TTN: variants seen among roughly 807,000 people sequenced by gnomAD.
TTN encodes titin.
In TTN, 1,525 loss-of-function variants were observed where a neutral mutation model predicts 3,223.0. That is an observed-to-expected ratio of 0.47 (90% CI 0.45 to 0.49). The LOEUF is 0.49. TTN is among the 20% of genes least tolerant of loss of function. The pLI is 0.00. For missense variants in TTN, 40,786 were observed against 43,424.0 expected, an observed-to-expected ratio of 0.94 and a Z score of 5.40; for synonymous variants, 14,094 against 15,161.0, an observed-to-expected ratio of 0.93 and a Z score of 5.17.
At position 178,719,633 on chromosome 2, in the gene TTN, C is replaced by A. The variant is rs1218890532; in HGVS notation, c.23859G>T (p.Met7953Ile). Residue 7953 changes from methionine (M) to isoleucine (I), a missense_variant, in exon 82 of 363, where the codon ATG (methionine) becomes ATT (isoleucine). By Grantham distance (10) the Met-to-Ile change is conservative (BLOSUM62 1). Coordinates refer to ENST00000589042, the MANE Select transcript of TTN (RefSeq NM_001267550.2). ...VASLKIPCAE[M>I]SDKGLYSFEV... is the part of the protein sequence containing the mutation. Reference sequence around the variant, plus strand: ...CAAAGCTATATAATCCTTTGTCACTCATTTCGGCACAGGGGATTTTAAGGG... The same window carrying A: ...CAAAGCTATATAATCCTTTGTCACTAATTTCGGCACAGGGGATTTTAAGGG... 2 of 1,613,722 alleles carry A rather than the reference C, an allele frequency of 1.2e-6. No homozygotes were observed.
At chr2:178,692,194 G>T (rs749755245) in intron 120 of TTN, 95 bp from the exon 121 acceptor site, 3 of 1,191,032 alleles carry the variant, frequency 2.5e-6, no homozygotes, top group South Asian at 1.4e-5. Flanking sequence ...CACTAACAGT[G>T]TGAGAATTAG....
At position 178,631,164 on chromosome 2, in the gene TTN, G is replaced by A; in HGVS notation, c.43884C>T (p.Ser14628=). 1 of 1,613,188 alleles carries A rather than the reference G, an allele frequency of 6.2e-7. No homozygotes were observed. The change falls in exon 237 of 363, where the codon TCC becomes TCT. Residue 14628 remains serine (S), a synonymous_variant. Transcript: ENST00000589042. ...WFKDGKEIKP[S]KNAVIKADGK... ...CATCTGCCTTAATAACAGCATTTTT[G>A]GATGGCTTTATTTCCTTCCCATCCT...
chr2:178,782,155 G>T, intron 20 of TTN, 57 bp downstream of exon 20: 1 of 1,595,058 alleles, frequency 6.3e-7, no homozygotes, highest in Non-Finnish European at 8.6e-7. Flanking sequence ...TCTACTCTAG[G>T]CTTCATGCAC....
In TTN at chr2:178,583,003, A is replaced by G; in HGVS notation, c.65800T>C (p.Tyr21934His). The G allele has an allele frequency of 1.3e-6, 2 of 1,593,320 alleles. No individual in the cohort carries two copies. Among genetic ancestry groups the G allele is most frequent in the Non-Finnish European group, 1.7e-6 (2 of 1,168,258 alleles). Residue 21934 changes from tyrosine (Y) to histidine (H), a missense_variant, in exon 313 of 363, where the codon TAT becomes CAT. Physicochemically the swap from Tyr to His is moderately conservative, Grantham distance 83. Coordinates refer to ENST00000589042, the MANE Select transcript of TTN (RefSeq NM_001267550.2). ...CTTGAATTTTCAGCAGTAATGGTAT[A>G]GTCTCCTGAGTCCTTCCGGTTCACG... is the stretch of plus-strand genomic sequence containing the variant. Reference protein sequence around the residue: ...FSVNRKDSGDYTITAENSSGS... With the variant: ...FSVNRKDSGDHTITAENSSGS...
Position 178,604,594 on chromosome 2 carries a change from C to T in TTN, c.54381+114G>A, listed in dbSNP as rs1347873111. ...AAACACTACAATAACAAAATAACAG[C>T]TTATCGTGTGTGGTTTTGAGTTTAA... On this transcript the variant is annotated intron_variant, in intron 281 of 362. Transcript: ENST00000589042. 9 of 1,164,676 alleles carry T rather than the reference C, an allele frequency of 7.7e-6. No individual in the cohort carries two copies. The Admixed American group carries it at 1.9e-4, about 25-fold the overall frequency. 72.1% of individuals were successfully genotyped at this position (1,164,676 alleles called of 1,614,324 possible).
rs1385400789 is a variant in TTN, at chr2:178,544,110, G to C, written c.96034C>G (p.Pro32012Ala). 6.2e-7 allele frequency: 1 copy of C among 1,605,312 alleles called. No homozygotes were observed. Among genetic ancestry groups the C allele is most frequent in the South Asian group, 1.1e-5 (1 of 90,302 alleles). The change falls in exon 346 of 363, where the codon CCA (proline) becomes GCA (alanine). Residue 32012 changes from proline (P) to alanine (A), a missense_variant. Physicochemically the swap from Pro to Ala is conservative, Grantham distance 27. Transcript: ENST00000589042. ...EIEPVERIEI[P>A]DLELADDLKK... ...AGATCATCTGCAAGCTCAAGATCTGGTATTTCTGGAAAGTTAATGACAAAA... is the reference window on the plus strand; with the variant it reads ...AGATCATCTGCAAGCTCAAGATCTGCTATTTCTGGAAAGTTAATGACAAAA...
Position 178,607,461 on chromosome 2 carries a change from C to T in TTN, c.53227G>A (p.Val17743Met). ...DALRKDHGRY[V>M]ITATNSCGSK... ...CCACAGCTATTTGTAGCTGTAATCA[C>T]ATATCTGCCATGGTCTTTTCGCAGT... The change falls in exon 277 of 363, where the codon GTG becomes ATG. Residue 17743 changes from valine to methionine, a missense_variant. Coordinates refer to ENST00000589042, the MANE Select transcript of TTN (RefSeq NM_001267550.2). 1.2e-6 allele frequency: 2 copies of T among 1,613,208 alleles called. No homozygotes were observed. The highest frequency in any genetic ancestry group is 1.7e-6 in the Non-Finnish European group (2 of 1,179,412).
rs1465102255 is a variant in TTN, at chr2:178,577,063, GA to G, written c.69271del (p.Ser23091LeufsTer27). 6.2e-7 allele frequency: 1 copy of G among 1,613,244 alleles called. No homozygotes were observed. The highest frequency in any genetic ancestry group is 1.3e-5 in the African/African-American group (1 of 74,848). ...ATGCCTGCAAGACTGAATATCTTCAGAAACCACTGTCCACAAAAGTCGGCTG... is the reference window on the plus strand; with the variant it reads ...ATGCCTGCAAGACTGAATATCTTCAGAACCACTGTCCACAAAAGTCGGCTG... ...ETSRLLWTVV[S>X]EDIQSCRHVA... On this transcript the variant is annotated frameshift_variant, in exon 324 of 363. Transcript: ENST00000589042. LOFTEE classifies it high-confidence loss of function.
At position 178,568,219 on chromosome 2, in the gene TTN, A is replaced by AT; in HGVS notation, c.77912dup (p.Tyr25971Ter). Residue 25971 changes from tyrosine to a stop codon, truncating the protein, a stop_gained and frameshift_variant, in exon 326 of 363, where the codon TAT becomes TAAT. Coordinates refer to ENST00000589042, the MANE Select transcript of TTN (RefSeq NM_001267550.2). LOFTEE classifies it high-confidence loss of function. The part of the protein sequence containing the change: ...YQFRIFAENR[Y>*]GQSFALESDP... ...CAGACTCTAAGGCAAAGCTTTGTCC[A>AT]TATCTGTTTTCGGCAAATATTCTAA... 1 of 1,613,534 alleles carries AT rather than the reference A, an allele frequency of 6.2e-7. No individual in the cohort carries two copies. The highest frequency in any genetic ancestry group is 8.5e-7 in the Non-Finnish European group (1 of 1,179,594).
Position 178,531,653 on chromosome 2 carries a change from T to C in TTN, c.104962A>G (p.Ile34988Val). 3 of 1,614,006 alleles carry C rather than the reference T, an allele frequency of 1.9e-6. No individual in the cohort carries two copies. The highest frequency in any genetic ancestry group is 2.5e-6 in the Non-Finnish European group (3 of 1,179,876). Residue 34988 changes from isoleucine (I) to valine (V), a missense_variant, in exon 358 of 363, where the codon ATT becomes GTT. Transcript: ENST00000589042. Reference sequence around the variant, plus strand: ...ACTCCACTCGTGTTGGTGTAATGAATCTTACTGCTTTCTTGGAGTTCCACA... The same window carrying C: ...ACTCCACTCGTGTTGGTGTAATGAACCTTACTGCTTTCTTGGAGTTCCACA... ...NGVELQESSKIHYTNTSGVLT... is the reference protein window; with the variant it reads ...NGVELQESSKVHYTNTSGVLT...
chr2:178,532,032 A>G lies in TTN; in HGVS notation c.104583T>C (p.Arg34861=), dbSNP rs918709607. The G allele has an allele frequency of 1.9e-6, 3 of 1,613,884 alleles. No individual in the cohort carries two copies. The highest frequency in any genetic ancestry group is 2.5e-6 in the Non-Finnish European group (3 of 1,179,868). The change falls in exon 358 of 363, where the codon CGT becomes CGC. Residue 34861 remains arginine, a synonymous_variant. Transcript: ENST00000589042. The part of the protein sequence containing the change: ...MRPVSELIRS[R]PQPAEEYEDD... ...CTTCGTATTCCTCAGCCGGTTGTGG[A>G]CGTGACCGGATCAGCTCAGACACTG...
chr2:178,759,625 G>T (rs1370236021), intron 43 of TTN, among the ~76,000 whole-genome samples: 1 of 152,186 alleles, frequency 6.6e-6, no homozygotes, highest in East Asian at 1.9e-4. Context: ...CAATCAAAAA[G>T]AGAGCTGAGA....
rs754319631 is a variant in TTN, at chr2:178,718,829, C to T, written c.24371G>A (p.Cys8124Tyr). The change falls in exon 84 of 363, where the codon TGC becomes TAC. Residue 8124 changes from cysteine to tyrosine, a missense_variant. Physicochemically the swap from Cys to Tyr is radical, Grantham distance 194 (BLOSUM62 -2). Transcript: ENST00000589042. ...GACAAAATCTTCCAGAGAGATGTTG[C>T]ATGACTCCCCAGGCACCAGTTCCCT... ...GSRELVPGES[C>Y]NISLEDFVTE... is the part of the protein sequence containing the mutation. 6.8e-6 allele frequency: 11 copies of T among 1,613,730 alleles called. No homozygotes were observed. The highest frequency in any genetic ancestry group is 9.3e-6 in the Non-Finnish European group (11 of 1,179,744).
intron 98 of TTN, among the ~76,000 whole-genome samples, chr2:178,710,283 C>CA (rs2076467671): frequency 2.0e-5 from 3 of 151,972 alleles, no homozygotes; most frequent in Non-Finnish European, 4.4e-5. Flanking sequence ...CCGTTTCTAC[C>CA]AAAAAATACA....
At chr2:178,757,401 G>A (rs1338373914) in intron 45 of TTN, 141 bp downstream of exon 45, 6 of 1,075,348 alleles carry the variant, frequency 5.6e-6, no homozygotes, top group African/African-American at 1.6e-5. Flanking sequence ...GACCTAGCGG[G>A]AGTTATTGCA....
At chr2:178,782,662 T>C in intron 18 of TTN, 60 bp from the exon 19 acceptor site, 1 of 1,607,408 alleles carries the variant, frequency 6.2e-7, no homozygotes, top group Non-Finnish European at 8.5e-7. Flanking sequence ...TGCTTAGCAC[T>C]GACAGTTAAA....
Position 178,618,399 on chromosome 2 carries a change from T to C in TTN, c.47059A>G (p.Ser15687Gly), listed in dbSNP as rs747113658. ...AWEEPLTDGG[S>G]KIIGYVVERR... ...TCAACAACGTAACCTATGATTTTGC[T>C]TCCACCATCAGTTAAAGGTTCTTCC... is the stretch of plus-strand genomic sequence containing the variant. Residue 15687 changes from serine to glycine, a missense_variant, in exon 252 of 363, where the codon AGC becomes GGC. Transcript: ENST00000589042. The C allele has an allele frequency of 6.2e-7, 1 of 1,612,516 alleles. No individual in the cohort carries two copies. Among genetic ancestry groups the C allele is most frequent in the South Asian group, 1.1e-5 (1 of 91,056 alleles).
chr2:178,646,915 G>A, intron 215 of TTN, 149 bp downstream of exon 215: 1 of 351,724 alleles, frequency 2.8e-6, no homozygotes, highest in South Asian at 1.1e-4. Context: ...TAAAAGAAGT[G>A]TAACTATTTC....
intron 7 of TTN, 121 bp from the exon 8 acceptor site, chr2:178,794,672 A>T: frequency 1.6e-6 from 2 of 1,247,204 alleles, no homozygotes; most frequent in Non-Finnish European, 2.3e-6. Context: ...AGCATTTATT[A>T]TTGCCAAGAA....
Sources: allele counts gnomAD v4.1 joint callset (sites outside exome capture counted in the v4.1 genomes callset), GRCh38; gene constraint gnomAD v4.1.1; transcripts MANE v1.5; gene names NCBI Gene and HGNC (gene_info 2026-07-23, HGNC 2026-07-21).